Variants in COL11A1 observed in about 807,000 individuals in gnomAD.
COL11A1 encodes collagen alpha-1(XI) chain.
Under a neutral mutation model 265.2 loss-of-function variants are expected in COL11A1, and 74 were observed. The ratio of observed to expected loss-of-function variants is 0.28; its 90% CI spans 0.23 to 0.34. The LOEUF (loss-of-function observed/expected upper bound fraction) is 0.34, where lower values mean the gene tolerates loss of function less well. Among genes scored for constraint, COL11A1 ranks in the 10% least tolerant of loss-of-function variants. COL11A1 has a pLI of 1.00. For missense variants in COL11A1, 2,165 were observed against 2,263.6 expected, an observed-to-expected ratio of 0.96 and a Z score of 0.88; for synonymous variants, 816 against 727.6, an observed-to-expected ratio of 1.12 and a Z score of -1.96.
intron 31 of COL11A1, among the ~76,000 whole-genome samples, 158 bp downstream of exon 31, chr1:102,983,980 C>G (rs975721898): frequency 6.6e-6 from 1 of 151,996 alleles, no homozygotes; most frequent in Non-Finnish European, 1.5e-5. Context: ...TTTGAGCTCC[C>G]TGCACTCCAG....
chr1:103,021,740 T>C lies in COL11A1; in HGVS notation c.1275A>G (p.Lys425=), dbSNP rs1248050624. The C allele has an allele frequency of 1.9e-6, 3 of 1,612,666 alleles. No individual in the cohort carries two copies. The African/African-American group carries it at 4.0e-5, about 22-fold the overall frequency. Reference sequence around the variant, plus strand: ...CCACTGCTGGTTCTCCTTTCTGTCCTTTCTCTCCATATGCACCATGGCCAT... The same window carrying C: ...CCACTGCTGGTTCTCCTTTCTGTCCCTTCTCTCCATATGCACCATGGCCAT... ...SINGHGAYGE[K]GQKGEPAVVE... Residue 425 remains lysine, a synonymous_variant, in exon 9 of 67, where the codon AAA becomes AAG. Coordinates refer to ENST00000370096, the MANE Select transcript of COL11A1 (RefSeq NM_001854.4).
chr1:103,062,302 C>T (rs544865463), intron 4 of COL11A1, among the ~76,000 whole-genome samples: 13 of 151,836 alleles, frequency 8.6e-5, no homozygotes, highest in East Asian at 3.9e-4. Flanking sequence ...AATATAGAAG[C>T]GAAAGGAATA....
At chr1:103,097,630 A>T (rs1673885769) in intron 1 of COL11A1, among the ~76,000 whole-genome samples, 1 of 152,040 alleles carries the variant, frequency 6.6e-6, no homozygotes, top group Non-Finnish European at 1.5e-5. Context: ...GCAGGATTAT[A>T]ACTATCTTTG....
At position 102,915,668 on chromosome 1, in the gene COL11A1, G is replaced by T. The variant is rs750838060; in HGVS notation, c.3779C>A (p.Ala1260Glu). Reference sequence around the variant, plus strand: ...TTCCCCAGGAGGCCCTGGGTTCCCTGCTTCTCCAGGTTCACCCTATATAGA... The same window carrying T: ...TTCCCCAGGAGGCCCTGGGTTCCCTTCTTCTCCAGGTTCACCCTATATAGA... Reference protein sequence around the residue: ...GVGEKGEPGEAGNPGPPGEAG... With the variant: ...GVGEKGEPGEEGNPGPPGEAG... Residue 1260 changes from alanine (A) to glutamate (E), a missense_variant, in exon 50 of 67, where the codon GCA becomes GAA. Transcript: ENST00000370096. 31 of 1,612,426 alleles carry T rather than the reference G, an allele frequency of 1.9e-5. No individual in the cohort carries two copies. Among genetic ancestry groups the T allele is most frequent in the Non-Finnish European group, 2.6e-5 (31 of 1,178,672 alleles).
intron 49 of COL11A1, among the ~76,000 whole-genome samples, chr1:102,917,685 G>C (rs1655505200): frequency 1.3e-5 from 2 of 151,734 alleles, no homozygotes; most frequent in South Asian, 4.1e-4. Flanking sequence ...TAAATTTATG[G>C]ATATTGTGAA....
rs989155614 is a variant in COL11A1, at chr1:102,928,039, A to G, written c.3601-4650T>C. Reference sequence around the variant, plus strand: ...GGGACTTCGTGTTCCTCCTATTGCTATCAATCTGAAGTACTAACTTATCTT... The same window carrying G: ...GGGACTTCGTGTTCCTCCTATTGCTGTCAATCTGAAGTACTAACTTATCTT... On this transcript the variant is annotated intron_variant, in intron 46 of 66. Transcript: ENST00000370096. Among the ~76,000 whole-genome samples the G allele has an allele frequency of 2.0e-5, 3 of 152,090 alleles. No homozygotes were observed. The East Asian group carries it at 5.8e-4, about 29-fold the overall frequency.
At chr1:102,966,037 C>T (rs990016493) in intron 37 of COL11A1, among the ~76,000 whole-genome samples, 2 of 152,012 alleles carry the variant, frequency 1.3e-5, no homozygotes, top group African/African-American at 4.8e-5. Context: ...ATTATTTTAG[C>T]GTTTATCAAT....
At chr1:103,004,187 C>T (rs977179566) in intron 20 of COL11A1, among the ~76,000 whole-genome samples, 1 of 152,004 alleles carries the variant, frequency 6.6e-6, no homozygotes, top group Non-Finnish European at 1.5e-5. Context: ...GAAACAGCAA[C>T]AAAAACTAGG....
chr1:102,890,350 T>C lies in COL11A1; in HGVS notation c.4356+101A>G, dbSNP rs983720139. On this transcript the variant is annotated intron_variant, in intron 58 of 66. Transcript: ENST00000370096. ...TTTTTTCAGGGTTAGAATGAAGATA[T>C]TGTTTGAAATTTTCTTTTGAATGAT... The C allele has an allele frequency of 1.8e-5, 19 of 1,067,116 alleles. No homozygotes were observed. In the Admixed American group the frequency reaches 3.9e-4, roughly 22 times the overall value. 66.1% of individuals were successfully genotyped at this position (1,067,116 alleles called of 1,614,324 possible). A position where few individuals can be genotyped will look rare whatever the true frequency, so the allele number is the denominator to read the frequency against.
chr1:103,078,182 C>T (rs1477122704), intron 3 of COL11A1, among the ~76,000 whole-genome samples: 1 of 152,094 alleles, frequency 6.6e-6, no homozygotes, highest in African/African-American at 2.4e-5. Context: ...TCTCCATCCT[C>T]ATCATCCCAC....
intron 4 of COL11A1, among the ~76,000 whole-genome samples, chr1:103,058,629 T>C (rs1396643986): frequency 1.3e-5 from 2 of 152,096 alleles, no homozygotes; most frequent in Non-Finnish European, 2.9e-5. Context: ...TAGGTCATTG[T>C]GGGGTTACTA....
At chr1:102,887,467 T>C (rs1457146435) in intron 62 of COL11A1, among the ~76,000 whole-genome samples, 1 of 152,164 alleles carries the variant, frequency 6.6e-6, no homozygotes, top group Non-Finnish European at 1.5e-5. Context: ...GTATTATATT[T>C]GATGATAATT....
At chr1:103,018,024 T>A (rs1049603349) in intron 10 of COL11A1, 142 bp from the exon 11 acceptor site, 7 of 762,608 alleles carry the variant, frequency 9.2e-6, no homozygotes, top group Non-Finnish European at 1.1e-5. Flanking sequence ...TTTATCTTCC[T>A]GTGAAAAGAC....
chr1:102,979,272 A>T (rs1353522933), intron 32 of COL11A1, 110 bp downstream of exon 32: 1 of 1,224,622 alleles, frequency 8.2e-7, no homozygotes, highest in African/African-American at 1.5e-5. Flanking sequence ...TCCGGGATTC[A>T]AGCAATCCTC....
At chr1:103,056,497 T>C (rs1240571515) in intron 4 of COL11A1, among the ~76,000 whole-genome samples, 2 of 152,164 alleles carry the variant, frequency 1.3e-5, no homozygotes, top group Admixed American at 6.6e-5. Context: ...TCCTGCACTT[T>C]TGTGAGTTTT....
chr1:103,091,543 T>C (rs1333167023), intron 1 of COL11A1, among the ~76,000 whole-genome samples: 1 of 152,058 alleles, frequency 6.6e-6, no homozygotes, highest in Non-Finnish European at 1.5e-5. Context: ...TAGTAAATTG[T>C]AAGATTATAT....
At chr1:102,977,118 C>T (rs999226479) in intron 35 of COL11A1, among the ~76,000 whole-genome samples, 2 of 152,036 alleles carry the variant, frequency 1.3e-5, no homozygotes, top group Admixed American at 6.5e-5. Flanking sequence ...TACTACAGAA[C>T]TAATTCCCTG....
chr1:103,031,043 T>C, intron 5 of COL11A1, 73 bp downstream of exon 5: 1 of 1,526,628 alleles, frequency 6.6e-7, no homozygotes, highest in Non-Finnish European at 9.0e-7. Context: ...TAAATAAGTA[T>C]AAGTTCAAAA....
chr1:102,970,485 C>A (rs904218691), intron 36 of COL11A1, among the ~76,000 whole-genome samples: 1 of 152,058 alleles, frequency 6.6e-6, no homozygotes, highest in African/African-American at 2.4e-5. Context: ...TAGTTGAACT[C>A]TTTTCTGAAT....
Sources: gnomAD v4.1 joint callset for allele counts (sites outside exome capture counted in the v4.1 genomes callset) on GRCh38, gnomAD v4.1.1 for gene constraint, MANE v1.5 for transcripts, NCBI Gene and HGNC (gene_info 2026-07-23, HGNC 2026-07-21) for gene names.